Variants in MEIS2 observed in about 807,000 individuals in gnomAD.
MEIS2 encodes homeobox protein Meis2.
A neutral mutation model predicts 58.6 loss-of-function variants in MEIS2; 9 were observed. That is an observed-to-expected ratio of 0.15 (90% CI 0.09 to 0.27). The LOEUF (loss-of-function observed/expected upper bound fraction) is 0.27. Ranked by LOEUF, MEIS2 falls within the 10% of genes least tolerant of loss-of-function variation. The pLI, the probability that MEIS2 is intolerant of heterozygous loss-of-function variation, is 1.00. For missense variants in MEIS2, 427 were observed against 635.0 expected, an observed-to-expected ratio of 0.67 and a Z score of 3.52; for synonymous variants, 221 against 228.4, an observed-to-expected ratio of 0.97 and a Z score of 0.29.
chr15:36,961,594 A>G (rs2059183945), intron 8 of MEIS2, among the ~76,000 whole-genome samples: 1 of 152,180 alleles, frequency 6.6e-6, no homozygotes, highest in Admixed American at 6.5e-5. Context: ...ATATGTTTAT[A>G]GTTTACTTAA....
At chr15:37,035,553 T>A (rs2062116609) in intron 8 of MEIS2, among the ~76,000 whole-genome samples, 1 of 152,008 alleles carries the variant, frequency 6.6e-6, no homozygotes, top group African/African-American at 2.4e-5. Flanking sequence ...CTGAGCCGAG[T>A]CAGTGCAGGG....
intron 6 of MEIS2, among the ~76,000 whole-genome samples, chr15:37,092,441 C>A (rs1893639699): frequency 6.6e-6 from 1 of 152,072 alleles, no homozygotes; most frequent in Non-Finnish European, 1.5e-5. Context: ...AGCCTTAATG[C>A]CTGTTTAACT....
chr15:37,090,939 C>T (rs1041548721), intron 6 of MEIS2, among the ~76,000 whole-genome samples: 1 of 152,138 alleles, frequency 6.6e-6, no homozygotes, highest in African/African-American at 2.4e-5. Flanking sequence ...GAAAACAACG[C>T]GCTGTCTGGG....
intron 8 of MEIS2, among the ~76,000 whole-genome samples, chr15:37,034,810 T>A (rs915694703): frequency 6.6e-6 from 1 of 152,192 alleles, no homozygotes; most frequent in Non-Finnish European, 1.5e-5. Context: ...ATGCAACTGT[T>A]AAAGGTGATC....
intron 9 of MEIS2, among the ~76,000 whole-genome samples, chr15:36,910,952 G>A (rs1327338553): frequency 6.6e-6 from 1 of 151,810 alleles, no homozygotes; most frequent in African/African-American, 2.4e-5. Context: ...GGCTGAGGCA[G>A]GAGAATGGCT....
At chr15:36,924,589 G>A (rs2057665890) in intron 9 of MEIS2, among the ~76,000 whole-genome samples, 3 of 152,158 alleles carry the variant, frequency 2.0e-5, no homozygotes. Flanking sequence ...CGTCCCAAAG[G>A]TTATGAGAGT....
At chr15:37,029,640 C>A (rs1567201875) in intron 8 of MEIS2, among the ~76,000 whole-genome samples, 2 of 152,098 alleles carry the variant, frequency 1.3e-5, no homozygotes, top group East Asian at 3.9e-4. Flanking sequence ...CGGCTTCAAG[C>A]AGCTAGAAAG....
intron 7 of MEIS2, among the ~76,000 whole-genome samples, chr15:37,052,759 C>T (rs1305492156): frequency 3.9e-5 from 6 of 152,150 alleles, no homozygotes; most frequent in African/African-American, 7.2e-5. Flanking sequence ...ATAGAGTCAC[C>T]GCTGGTTGAA....
chr15:37,026,770 T>G (rs1412413088), intron 8 of MEIS2, among the ~76,000 whole-genome samples: 1 of 152,198 alleles, frequency 6.6e-6, no homozygotes, highest in East Asian at 1.9e-4. Context: ...GTTGTAATTT[T>G]TGTGTGTGTG....
chr15:36,932,526 A>G lies in MEIS2; in HGVS notation c.977+17798T>C, dbSNP rs547693410. 5.9e-5 allele frequency among the ~76,000 whole-genome samples: 9 copies of G among 152,192 alleles called. No homozygotes were observed. The South Asian group carries it at 8.3e-4, about 14-fold the overall frequency. ...TGGTCTTTTTTTAAGATTAGTTAACATATTTCCACCAAACTTATTAGAATA... is the reference window on the plus strand; with the variant it reads ...TGGTCTTTTTTTAAGATTAGTTAACGTATTTCCACCAAACTTATTAGAATA... On this transcript the variant is annotated intron_variant, in intron 9 of 11. Transcript: ENST00000561208.
At chr15:36,973,806 A>T (rs1461807473) in intron 8 of MEIS2, among the ~76,000 whole-genome samples, 4 of 148,644 alleles carry the variant, frequency 2.7e-5, no homozygotes, top group Non-Finnish European at 4.5e-5. Flanking sequence ...CTTCTTATTT[A>T]AAAAAAAAAG....
intron 9 of MEIS2, among the ~76,000 whole-genome samples, chr15:36,932,816 G>A (rs554032820): frequency 6.6e-6 from 1 of 152,194 alleles, no homozygotes; most frequent in South Asian, 2.1e-4. Flanking sequence ...ATGAGGAAAA[G>A]CTTTGAGTGG....
At chr15:37,082,252 G>A (rs575594330) in intron 7 of MEIS2, among the ~76,000 whole-genome samples, 8 of 152,300 alleles carry the variant, frequency 5.3e-5, no homozygotes, top group African/African-American at 1.7e-4. Flanking sequence ...TGAGCAAAGC[G>A]AAAGGTCAAA....
In MEIS2 at chr15:37,055,802, T is replaced by C. The variant is rs988427313; in HGVS notation, c.755-18843A>G. Reference sequence around the variant, plus strand: ...GGAATCAGTTAACAATCCTGCTAGTTCTACCACAAAAAATAAAGTAATTGG... The same window carrying C: ...GGAATCAGTTAACAATCCTGCTAGTCCTACCACAAAAAATAAAGTAATTGG... On this transcript the variant is annotated intron_variant, in intron 7 of 11. Coordinates refer to ENST00000561208, the MANE Select transcript of MEIS2 (RefSeq NM_170675.5). 4.6e-5 allele frequency among the ~76,000 whole-genome samples: 7 copies of C among 152,280 alleles called. No homozygotes were observed. The East Asian group carries it at 1.4e-3, about 29-fold the overall frequency.
intron 9 of MEIS2, among the ~76,000 whole-genome samples, chr15:36,934,111 G>T (rs934971464): frequency 6.6e-6 from 1 of 152,174 alleles, no homozygotes; most frequent in Non-Finnish European, 1.5e-5. Context: ...CAATGCGTAA[G>T]TAGATTTTAC....
At chr15:37,022,964 T>G (rs2061575703) in intron 8 of MEIS2, among the ~76,000 whole-genome samples, 1 of 152,198 alleles carries the variant, frequency 6.6e-6, no homozygotes, top group Non-Finnish European at 1.5e-5. Context: ...CTGCTTCAAT[T>G]TTTTTCTTAC....
At chr15:36,956,822 C>T (rs1041606280) in intron 8 of MEIS2, among the ~76,000 whole-genome samples, 1 of 147,990 alleles carries the variant, frequency 6.8e-6, no homozygotes, top group East Asian at 2.0e-4. Flanking sequence ...TAAACATAGA[C>T]CGATTTGGAT....
At chr15:37,055,041 CT>C (rs1294527128) in intron 7 of MEIS2, among the ~76,000 whole-genome samples, 1 of 152,144 alleles carries the variant, frequency 6.6e-6, no homozygotes, top group Non-Finnish European at 1.5e-5. Context: ...GAAACTAAGG[CT>C]TAGAGAGGTG....
intron 2 of MEIS2, 33 bp from the exon 3 acceptor site, chr15:37,096,463 C>T (rs916402692): frequency 6.2e-7 from 1 of 1,603,622 alleles, no homozygotes; most frequent in Non-Finnish European, 8.5e-7. Context: ...GACACACACA[C>T]AGAGACGGGG....
Sources: gnomAD v4.1 joint callset for allele counts (sites outside exome capture counted in the v4.1 genomes callset) on GRCh38, gnomAD v4.1.1 for gene constraint, MANE v1.5 for transcripts, NCBI Gene and HGNC (gene_info 2026-07-23, HGNC 2026-07-21) for gene names.